Variants in HID1 observed in about 807,000 individuals in gnomAD.
The protein encoded by HID1 is HID1 domain containing, also known as protein HID1.
HID1 carries 42 observed loss-of-function variants against 89.7 expected under a neutral mutation model. That is an observed-to-expected ratio of 0.47 (90% confidence interval 0.37 to 0.61). The LOEUF (loss-of-function observed/expected upper bound fraction) is 0.61, where lower values mean the gene tolerates loss of function less well. Among genes scored for constraint, HID1 ranks in the 20% least tolerant of loss-of-function variants. HID1 has a pLI of 0.00. For synonymous variants in HID1, 442 were observed against 433.8 expected (o/e 1.02, Z -0.24); for missense variants, 854 against 1,039.3 (o/e 0.82, Z 2.45).
At chr17:74,953,873 T>C (rs1286477609) in intron 14 of HID1, among the ~76,000 whole-genome samples, 1 of 151,534 alleles carries the variant, frequency 6.6e-6, no homozygotes, top group African/African-American at 2.4e-5. Context: ...AAGCTACACA[T>C]GCTAAGCCCA....
In HID1 at chr17:74,972,642, G is replaced by A. The variant is rs1450102261; in HGVS notation, c.15C>T (p.Asp5=). 1 of 1,548,868 alleles carries A rather than the reference G, an allele frequency of 6.5e-7. No individual in the cohort carries two copies. Among genetic ancestry groups the A allele is most frequent in the Non-Finnish European group, 8.7e-7 (1 of 1,145,704 alleles). The part of the protein sequence containing the change: MGST[D]SKLNFRKAVI... ...CCGCCTTCCGGAAGTTCAGCTTGGA[G>A]TCGGTCGACCCCATGTCTCTGGAGC... Residue 5 remains aspartate, a synonymous_variant, in exon 1 of 19, where the codon GAC becomes GAT. Transcript: ENST00000425042. The surrounding 1 kb of genome is among the most constrained non-coding windows in gnomAD (Gnocchi z 6.4).
Position 74,961,920 on chromosome 17 carries a change from A to G in HID1, c.681T>C (p.Ser227=). The change falls in exon 6 of 19, where the codon AGT becomes AGC. Residue 227 remains serine (S), a synonymous_variant. Coordinates refer to ENST00000425042, the MANE Select transcript of HID1 (RefSeq NM_030630.3). ...ACTGAACCCATGGGTTGGTGCTGCC[A>G]CTTTCCGGAGCTGGGGGCAGGTACA... ...EAMYLPPAPE[S]GSTNPWVQFF... The G allele has an allele frequency of 3.1e-6, 5 of 1,604,062 alleles. No individual in the cohort carries two copies. Among genetic ancestry groups the G allele is most frequent in the Non-Finnish European group, 3.4e-6 (4 of 1,175,116 alleles).
At position 74,951,086 on chromosome 17, in the gene HID1, T is replaced by C. The variant is rs2039290568; in HGVS notation, c.*484A>G. 6.4e-6 allele frequency: 1 copy of C among 156,282 alleles called. No homozygotes were observed. The highest frequency in any genetic ancestry group is 2.4e-5 in the African/African-American group (1 of 41,588). 9.7% of individuals were successfully genotyped at this position (156,282 alleles called of 1,614,324 possible). On this transcript the variant is annotated 3_prime_UTR_variant, in exon 19 of 19. Transcript: ENST00000425042. The stretch of plus-strand genomic sequence containing the variant: ...CTCCCAGCCTCCTCGAGGAGCAGCC[T>C]GGCCACACCTTTTTCCCCTGGAGCC...
At position 74,954,384 on chromosome 17, in the gene HID1, C is replaced by T. The variant is rs774572885; in HGVS notation, c.1637-19G>A. On this transcript the variant is annotated intron_variant, in intron 13 of 18. Coordinates refer to ENST00000425042, the MANE Select transcript of HID1 (RefSeq NM_030630.3). ...GAGTTGCCTGTGGGCAGGGAGCATGCCTCGCCTCAGGGAGGCCCCCTCCAG... is the reference window on the plus strand; with the variant it reads ...GAGTTGCCTGTGGGCAGGGAGCATGTCTCGCCTCAGGGAGGCCCCCTCCAG... The T allele has an allele frequency of 6.4e-7, 1 of 1,553,274 alleles. No individual in the cohort carries two copies. The highest frequency in any genetic ancestry group is 8.7e-7 in the Non-Finnish European group (1 of 1,148,682).
chr17:74,962,160 G>T lies in HID1; in HGVS notation c.611+74C>A. The T allele has an allele frequency of 7.5e-7, 1 of 1,328,048 alleles. No homozygotes were observed. The highest frequency in any genetic ancestry group is 1.1e-6 in the Non-Finnish European group (1 of 950,262). The allele number at this position is 1,328,048 out of a possible 1,614,324, so 82.3% of individuals were successfully genotyped here. A position where few individuals can be genotyped will look rare whatever the true frequency, so the allele number is the denominator to read the frequency against. ...GACGGTCTTCTGGGAAGACCCCATG[G>T]GCTTTCTGAGCTGTGCGGGGGCCCG... On this transcript the variant is annotated intron_variant, in intron 5 of 18. Transcript: ENST00000425042. The surrounding 1 kb of genome is among the most constrained non-coding windows in gnomAD (Gnocchi z 4.3).
At chr17:74,966,560 T>C (rs1330541254) in intron 1 of HID1, among the ~76,000 whole-genome samples, 3 of 152,174 alleles carry the variant, frequency 2.0e-5, no homozygotes, top group Non-Finnish European at 4.4e-5. Flanking sequence ...TCTGAAATCC[T>C]ACAGCCAATA....
chr17:74,959,955 C>T lies in HID1; in HGVS notation c.952-18G>A, dbSNP rs550668181. On this transcript the variant is annotated intron_variant, in intron 7 of 18. Transcript: ENST00000425042. The surrounding 1 kb of genome is among the most constrained non-coding windows in gnomAD (Gnocchi z 4.6). ...CCTGGAGGCTGCCAAGAGGAGAAGC[C>T]CCTGGTGAGCAGGCGTCCTCCCCAC... is the stretch of plus-strand genomic sequence containing the variant. 9.3e-6 allele frequency: 15 copies of T among 1,613,650 alleles called. No homozygotes were observed. The highest frequency in any genetic ancestry group is 1.3e-5 in the Non-Finnish European group (15 of 1,180,028).
At position 74,954,190 on chromosome 17, in the gene HID1, G is replaced by A. The variant is rs760773771; in HGVS notation, c.1812C>T (p.Pro604=). 1.4e-5 allele frequency: 22 copies of A among 1,602,884 alleles called. No homozygotes were observed. Among genetic ancestry groups the A allele is most frequent in the East Asian group, 6.7e-5 (3 of 44,498 alleles). ...QEGTSMEGSR[P]AAPAEPGTLK... is the part of the protein sequence containing the mutation. ...GGGTGCCTGGCTCTGCAGGGGCAGC[G>A]GGGCGGGAGCCCTCCATGGAGGTGC... Residue 604 remains proline (P), a synonymous_variant, in exon 14 of 19, where the codon CCC becomes CCT. Coordinates refer to ENST00000425042, the MANE Select transcript of HID1 (RefSeq NM_030630.3).
intron 1 of HID1, among the ~76,000 whole-genome samples, chr17:74,968,825 C>G (rs546467279): frequency 6.6e-6 from 1 of 152,360 alleles, no homozygotes; most frequent in Admixed American, 6.5e-5. Flanking sequence ...TAAGCACAAG[C>G]AGGCATGACC....
In HID1 at chr17:74,962,699, C is replaced by A. The variant is rs2039501309; in HGVS notation, c.504+266G>T. Reference sequence around the variant, plus strand: ...CACAGGAAGCAAGAGGGCCAGCCCTCCTGTGTCTGAGCCCCACACCCCTGG... The same window carrying A: ...CACAGGAAGCAAGAGGGCCAGCCCTACTGTGTCTGAGCCCCACACCCCTGG... On this transcript the variant is annotated intron_variant, in intron 4 of 18. Transcript: ENST00000425042. The surrounding 1 kb of genome is among the most constrained non-coding windows in gnomAD (Gnocchi z 4.3). 3.9e-5 allele frequency among the ~76,000 whole-genome samples: 6 copies of A among 152,096 alleles called. No homozygotes were observed. Among genetic ancestry groups the A allele is most frequent in the Admixed American group, 3.9e-4 (6 of 15,284 alleles).
In HID1 at chr17:74,954,542, TG is replaced by T. The variant is rs1390586391; in HGVS notation, c.1637-178del. On this transcript the variant is annotated intron_variant, in intron 13 of 18. Coordinates refer to ENST00000425042, the MANE Select transcript of HID1 (RefSeq NM_030630.3). ...TGGGGCAGGGCTGGCACTGGCTGTG[TG>T]TGCCCACTATGGCTATCCCAGAATG... 62 of 1,096,204 alleles carry T rather than the reference TG, an allele frequency of 5.7e-5. No individual in the cohort carries two copies. In the South Asian group the frequency reaches 8.4e-4, roughly 15 times the overall value. 67.9% of individuals were successfully genotyped at this position (1,096,204 alleles called of 1,614,324 possible).
intron 6 of HID1, 142 bp from the exon 7 acceptor site, chr17:74,960,390 T>A: frequency 1.4e-6 from 1 of 709,196 alleles, no homozygotes; most frequent in Non-Finnish European, 2.3e-6. Context: ...AAAGAGTGGG[T>A]GTGGGAAGCC....
At position 74,952,178 on chromosome 17, in the gene HID1, C is replaced by T. The variant is rs556353747; in HGVS notation, c.2144+91G>A. 451 of 1,527,044 alleles carry T rather than the reference C, an allele frequency of 3.0e-4. 3 individuals are homozygous for T. The African/African-American group carries it at 5.3e-3, about 18-fold the overall frequency. The allele number at this position is 1,527,044 out of a possible 1,614,324, so 94.6% of individuals were successfully genotyped here. ...ACACGCCTACCTAAGCCTAGGCTGG[C>T]CCCGCCCAGAGCCCACCTGCCCACA... On this transcript the variant is annotated intron_variant, in intron 17 of 18. Coordinates refer to ENST00000425042, the MANE Select transcript of HID1 (RefSeq NM_030630.3).
Position 74,958,910 on chromosome 17 carries a change from C to T in HID1, c.1149+1G>A. On this transcript the variant is annotated splice_donor_variant, in intron 9 of 18. Coordinates refer to ENST00000425042, the MANE Select transcript of HID1 (RefSeq NM_030630.3). LOFTEE classifies it high-confidence loss of function. The surrounding 1 kb of genome is among the most constrained non-coding windows in gnomAD (Gnocchi z 5.2). ...TGCAGGGCCCCTCGAGGCTGGCCCACCTTGTTGAAGTCGCAGAGCTTCCAG... is the reference window on the plus strand; with the variant it reads ...TGCAGGGCCCCTCGAGGCTGGCCCATCTTGTTGAAGTCGCAGAGCTTCCAG... 6.3e-7 allele frequency: 1 copy of T among 1,588,954 alleles called. No individual in the cohort carries two copies. The highest frequency in any genetic ancestry group is 8.5e-7 in the Non-Finnish European group (1 of 1,170,072).
chr17:74,959,013 C>G lies in HID1; in HGVS notation c.1047G>C (p.Leu349=). ...QFILKGIARL[L]SNPLLQTYLP... is the part of the protein sequence containing the mutation. ...GGTAGGTCTGGAGCAGGGGGTTGGA[C>G]AGCAGCCGGGCTATACCCTTGAGGA... Residue 349 remains leucine, a synonymous_variant, in exon 9 of 19, where the codon CTG becomes CTC. Transcript: ENST00000425042. This position sits in a 1 kb window ranked among gnomAD's most constrained non-coding sequence, Gnocchi z 4.6. The G allele has an allele frequency of 6.3e-7, 1 of 1,595,496 alleles. No homozygotes were observed. Among genetic ancestry groups the G allele is most frequent in the South Asian group, 1.1e-5 (1 of 88,740 alleles).
At position 74,964,521 on chromosome 17, in the gene HID1, C is replaced by A. The variant is rs770981940; in HGVS notation, c.178G>T (p.Glu60Ter). Reference protein sequence around the residue: ...VPAAEIRAVREESPSNLATLC... With the variant: ...VPAAEIRAVR ...GTGGCCAAGTTGGAGGGTGACTCTT[C>A]CCGCACGGCCCGGATCTCTGCTGCC... The change falls in exon 2 of 19, where the codon GAA becomes TAA. Residue 60 changes from glutamate to a stop codon, truncating the protein, a stop_gained. Coordinates refer to ENST00000425042, the MANE Select transcript of HID1 (RefSeq NM_030630.3). LOFTEE classifies it high-confidence loss of function. 6.2e-7 allele frequency: 1 copy of A among 1,609,766 alleles called. No homozygotes were observed. Among genetic ancestry groups the A allele is most frequent in the Non-Finnish European group, 8.5e-7 (1 of 1,178,326 alleles).
Position 74,962,019 on chromosome 17 carries a change from G to T in HID1, c.612-30C>A. On this transcript the variant is annotated intron_variant, in intron 5 of 18. Coordinates refer to ENST00000425042, the MANE Select transcript of HID1 (RefSeq NM_030630.3). This position sits in a 1 kb window ranked among gnomAD's most constrained non-coding sequence, Gnocchi z 4.3. ...TAGGAGGAAGGGGGAGGGCACCTTAGGATCCCAGTCCCCTCTTGGAGGTTC... is the reference window on the plus strand; with the variant it reads ...TAGGAGGAAGGGGGAGGGCACCTTATGATCCCAGTCCCCTCTTGGAGGTTC... 1 of 1,480,096 alleles carries T rather than the reference G, an allele frequency of 6.8e-7. No individual in the cohort carries two copies. The highest frequency in any genetic ancestry group is 1.3e-5 in the South Asian group (1 of 76,122). The allele number at this position is 1,480,096 out of a possible 1,614,324, so 91.7% of individuals were successfully genotyped here. A position where few individuals can be genotyped will look rare whatever the true frequency, so the allele number is the denominator to read the frequency against.
chr17:74,952,842 A>G (rs1288376116), intron 16 of HID1, among the ~76,000 whole-genome samples, 164 bp downstream of exon 16: 1 of 152,238 alleles, frequency 6.6e-6, no homozygotes, highest in Admixed American at 6.5e-5. Flanking sequence ...ACCAGCCGGA[A>G]GGACCGACCC....
chr17:74,964,734 T>TC (rs1162682677), intron 1 of HID1, 102 bp from the exon 2 acceptor site: 3 of 1,231,536 alleles, frequency 2.4e-6, no homozygotes, highest in Non-Finnish European at 3.4e-6. Context: ...GAAGCCAGAG[T>TC]CCCCCTACCT....
Sources: gnomAD v4.1 joint callset for allele counts (sites outside exome capture counted in the v4.1 genomes callset) on GRCh38, gnomAD v4.1.1 for gene constraint, Gnocchi (gnomAD v3.1) non-coding constraint, MANE v1.5 for transcripts, NCBI Gene and HGNC (gene_info 2026-07-23, HGNC 2026-07-21) for gene names.